MBNL1: variants seen among roughly 807,000 people sequenced by gnomAD.
MBNL1 encodes muscleblind like splicing regulator 1, also known as muscleblind-like protein 1.
A neutral mutation model predicts 42.2 loss-of-function variants in MBNL1; 8 were observed. The observed-to-expected ratio is 0.19, with a 90% CI of 0.11 to 0.34. The LOEUF (loss-of-function observed/expected upper bound fraction) is 0.34. Among genes scored for constraint, MBNL1 ranks in the 10% least tolerant of loss-of-function variants. The pLI is 1.00. For synonymous variants in MBNL1, 169 were observed against 173.9 expected (o/e 0.97, Z 0.22); for missense variants, 309 against 495.3 (o/e 0.62, Z 3.57).
intron 1 of MBNL1, among the ~76,000 whole-genome samples, chr3:152,290,256 CTATTAAG>C (rs535281507): frequency 6.4e-4 from 97 of 151,902 alleles, no homozygotes; most frequent in African/African-American, 1.9e-3. Flanking sequence ...AGTGTGGCAA[CTATTAAG>C]TTTGATCCTA....
At chr3:152,436,661 C>T (rs2099082149) in intron 4 of MBNL1, among the ~76,000 whole-genome samples, 1 of 152,162 alleles carries the variant, frequency 6.6e-6, no homozygotes, top group Non-Finnish European at 1.5e-5. Context: ...CTGGTTATAA[C>T]TCTTCTAATC....
At chr3:152,455,117 T>C (rs1246210039) in intron 6 of MBNL1, among the ~76,000 whole-genome samples, 1 of 152,228 alleles carries the variant, frequency 6.6e-6, no homozygotes, top group Non-Finnish European at 1.5e-5. Context: ...TAAATATCTT[T>C]AGTAAGTTAA....
At chr3:152,393,845 C>G (rs745810723) in intron 2 of MBNL1, among the ~76,000 whole-genome samples, 1 of 152,148 alleles carries the variant, frequency 6.6e-6, no homozygotes, top group Non-Finnish European at 1.5e-5. Flanking sequence ...ATGTAGTTCA[C>G]TAGTTCTTTG....
At chr3:152,352,650 C>T (rs1259182339) in intron 2 of MBNL1, among the ~76,000 whole-genome samples, 2 of 151,990 alleles carry the variant, frequency 1.3e-5, no homozygotes, top group African/African-American at 2.4e-5. Flanking sequence ...GACTCAATAC[C>T]GGAGACAGCT....
intron 2 of MBNL1, among the ~76,000 whole-genome samples, chr3:152,360,003 G>T (rs1560286103): frequency 6.6e-6 from 1 of 152,134 alleles, no homozygotes; most frequent in African/African-American, 2.4e-5. Context: ...TCTCTGTTCA[G>T]CTTTGCCCAG....
In MBNL1 at chr3:152,428,162, A is replaced by G. The variant is rs1185040241; in HGVS notation, c.346-4555A>G. Reference sequence around the variant, plus strand: ...AACAATCACTTTTATTTCACATTCAAGTATATATTCTAAAGAATATTTAAT... The same window carrying G: ...AACAATCACTTTTATTTCACATTCAGGTATATATTCTAAAGAATATTTAAT... On this transcript the variant is annotated intron_variant, in intron 3 of 9. Coordinates refer to ENST00000324210, the MANE Select transcript of MBNL1 (RefSeq NM_021038.5). 2.0e-5 allele frequency among the ~76,000 whole-genome samples: 3 copies of G among 152,352 alleles called. No individual in the cohort carries two copies. The East Asian group carries it at 5.8e-4, about 29-fold the overall frequency.
intron 2 of MBNL1, among the ~76,000 whole-genome samples, chr3:152,254,689 G>C (rs1175370371): frequency 6.6e-6 from 1 of 151,878 alleles, no homozygotes; most frequent in Non-Finnish European, 1.5e-5. Context: ...AAGTTTTTGA[G>C]ATTATAAGGC....
rs749262746 is a variant in MBNL1, at chr3:152,375,128, C to T, written c.175-39813C>T. 2.0e-5 allele frequency among the ~76,000 whole-genome samples: 3 copies of T among 152,284 alleles called. No homozygotes were observed. The South Asian group carries it at 6.2e-4, about 32-fold the overall frequency. On this transcript the variant is annotated intron_variant, in intron 2 of 9. Coordinates refer to ENST00000324210, the MANE Select transcript of MBNL1 (RefSeq NM_021038.5). ...TAGCTGGGATTACAGGCGTGTGCCA[C>T]CACACTTACCCAGCGGAGTTGGGGT...
chr3:152,248,814 G>A (rs916966890), intron 2 of MBNL1, among the ~76,000 whole-genome samples: 4 of 146,078 alleles, frequency 2.7e-5, no homozygotes, highest in Non-Finnish European at 6.0e-5. Flanking sequence ...TCCCCTTCCT[G>A]TGTCCATGTG....
chr3:152,428,651 A>G (rs564742728), intron 3 of MBNL1, among the ~76,000 whole-genome samples: 1 of 152,308 alleles, frequency 6.6e-6, no homozygotes, highest in East Asian at 1.9e-4. Context: ...TCTGTAGAAA[A>G]CCACATAGTG....
intron 6 of MBNL1, among the ~76,000 whole-genome samples, chr3:152,451,717 C>T (rs1723369161): frequency 1.3e-5 from 2 of 152,168 alleles, no homozygotes. Flanking sequence ...TTCCCTATTG[C>T]CTTAGGCCAG....
intron 6 of MBNL1, among the ~76,000 whole-genome samples, chr3:152,448,271 ACT>A (rs1370925629): frequency 2.0e-5 from 3 of 152,060 alleles, no homozygotes; most frequent in Non-Finnish European, 2.9e-5. Flanking sequence ...CAATCAGTAC[ACT>A]GTTTAAAATT....
chr3:152,279,425 T>C (rs2047119162), intron 1 of MBNL1, among the ~76,000 whole-genome samples: 1 of 152,134 alleles, frequency 6.6e-6, no homozygotes, highest in African/African-American at 2.4e-5. Flanking sequence ...GTGGCATGTT[T>C]ATGACATAGT....
chr3:152,426,881 A>G (rs1344544010), intron 3 of MBNL1, among the ~76,000 whole-genome samples: 1 of 152,176 alleles, frequency 6.6e-6, no homozygotes, highest in East Asian at 1.9e-4. Flanking sequence ...TGTAACCTAG[A>G]TAGACTTTGC....
chr3:152,416,245 G>A (rs1319697269), intron 3 of MBNL1, among the ~76,000 whole-genome samples: 1 of 152,196 alleles, frequency 6.6e-6, no homozygotes, highest in African/African-American at 2.4e-5. Flanking sequence ...CATGGGCAGT[G>A]ATACCAGTTA....
chr3:152,370,454 CTG>C (rs2096608973), intron 2 of MBNL1, among the ~76,000 whole-genome samples: 1 of 152,122 alleles, frequency 6.6e-6, no homozygotes, highest in South Asian at 2.1e-4. Flanking sequence ...TGATGTGGTG[CTG>C]AGAAGAATGT....
chr3:152,409,484 A>G (rs1301142743), intron 2 of MBNL1, among the ~76,000 whole-genome samples: 1 of 152,166 alleles, frequency 6.6e-6, no homozygotes, highest in African/African-American at 2.4e-5. Flanking sequence ...AAAAATGGTA[A>G]GAATTTTCAA....
intron 3 of MBNL1, among the ~76,000 whole-genome samples, chr3:152,424,083 A>G (rs772967918): frequency 6.6e-6 from 1 of 152,316 alleles, no homozygotes; most frequent in East Asian, 1.9e-4. Flanking sequence ...GGCCAGGGCA[A>G]TCAGGCAAGA....
chr3:152,379,691 A>G (rs2097095574), intron 2 of MBNL1, among the ~76,000 whole-genome samples: 1 of 152,166 alleles, frequency 6.6e-6, no homozygotes, highest in Admixed American at 6.5e-5. Flanking sequence ...ATTGCTGCAA[A>G]TATTGTTGTA....
Sources: allele counts gnomAD v4.1 joint callset (sites outside exome capture counted in the v4.1 genomes callset), GRCh38; gene constraint gnomAD v4.1.1; transcripts MANE v1.5; gene names NCBI Gene and HGNC (gene_info 2026-07-23, HGNC 2026-07-21).